The following RIIAD1 variants were observed in gnomAD, a reference collection of about 807,000 sequenced individuals.
The protein encoded by RIIAD1 is regulatory subunit of type II PKA R-subunit domain containing 1.
A neutral mutation model predicts 13.3 loss-of-function variants in RIIAD1; 15 were observed. The ratio of observed to expected loss-of-function variants is 1.13; its 90% CI spans 0.76 to 1.74. The LOEUF is 1.74. Among genes scored for constraint, RIIAD1 ranks in the 40% most tolerant of loss-of-function variants. The pLI is 0.00. For synonymous variants in RIIAD1, 50 were observed against 43.3 expected, an observed-to-expected ratio of 1.16 and a Z score of -0.61; for missense variants, 121 against 112.2, an observed-to-expected ratio of 1.08 and a Z score of -0.35.
At chr1:151,720,929 G>A (rs1673723734), upstream of RIIAD1, among the ~76,000 whole-genome samples, 1 of 152,128 alleles carries the variant, frequency 6.6e-6, no homozygotes, top group South Asian at 2.1e-4. Context: ...TTTATGAGGA[G>A]CCCAGGGTGA....
intron 2 of RIIAD1, among the ~76,000 whole-genome samples, chr1:151,723,446 T>C (rs1417996313): frequency 6.6e-6 from 1 of 151,838 alleles, no homozygotes; most frequent in East Asian, 1.9e-4. Flanking sequence ...ACGCCTGTGA[T>C]CCCAGCACTT....
At chr1:151,719,964 A>G (rs1673706530), upstream of RIIAD1, among the ~76,000 whole-genome samples, 1 of 152,230 alleles carries the variant, frequency 6.6e-6, no homozygotes, top group Non-Finnish European at 1.5e-5. Context: ...GTCTAATATA[A>G]TACAAGCCAC....
intron 2 of RIIAD1, among the ~76,000 whole-genome samples, chr1:151,722,725 C>A (rs1673760597): frequency 6.6e-6 from 1 of 152,190 alleles, no homozygotes; most frequent in Non-Finnish European, 1.5e-5. Context: ...TAATGGCACC[C>A]ATCTCCAGGC....
chr1:151,722,081 C>G lies in RIIAD1; in HGVS notation c.85-5C>G. The G allele has an allele frequency of 6.5e-7, 1 of 1,548,266 alleles. No individual in the cohort carries two copies. The highest frequency in any genetic ancestry group is 1.4e-5 in the African/African-American group (1 of 73,042). ...TGGAAGTGACCCTTTGTTCTTGCCC[C>G]CCAGATTCAGACTCGGATTGCTAAC... On this transcript the variant is annotated splice_polypyrimidine_tract_variant and splice_region_variant and intron_variant, in intron 1 of 4. Transcript: ENST00000479191.
chr1:151,722,138 A>G lies in RIIAD1; in HGVS notation c.137A>G (p.Glu46Gly), dbSNP rs374103330. Reference sequence around the variant, plus strand: ...TACCTAAGGACCCACAAAGAAGTAGAGTGGCTCATAAGTGGTTTCTTCAGG... The same window carrying G: ...TACCTAAGGACCCACAAAGAAGTAGGGTGGCTCATAAGTGGTTTCTTCAGG... ...EKYLRTHKEVEWLISGFFREI... is the reference protein window; with the variant it reads ...EKYLRTHKEVGWLISGFFREI... Residue 46 changes from glutamate (E) to glycine (G), a missense_variant, in exon 2 of 5, where the codon GAG becomes GGG. Physicochemically the swap from Glu to Gly is moderately conservative, Grantham distance 98. Coordinates refer to ENST00000479191, the MANE Select transcript of RIIAD1 (RefSeq NM_001144956.3). 1.8e-5 allele frequency: 28 copies of G among 1,551,174 alleles called. No individual in the cohort carries two copies. In the East Asian group the frequency reaches 5.4e-4, roughly 30 times the overall value.
intron 4 of RIIAD1, chr1:151,714,710 G>C (rs894987322): frequency 3.5e-6 from 5 of 1,447,442 alleles, no homozygotes; most frequent in African/African-American, 2.8e-5. Context: ...AACACGGCGG[G>C]GGGTGAGTCC....
upstream of RIIAD1, chr1:151,719,628 T>A (rs989167142): frequency 1.4e-5 from 10 of 702,626 alleles, no homozygotes; most frequent in Admixed American, 4.0e-5. Flanking sequence ...TTTATGAGAG[T>A]GCACAAAGAA....
At chr1:151,713,299 C>T (rs1253793357) in intron 2 of RIIAD1, among the ~76,000 whole-genome samples, 1 of 152,204 alleles carries the variant, frequency 6.6e-6, no homozygotes, top group Non-Finnish European at 1.5e-5. Flanking sequence ...CAGGATGGAG[C>T]TCTGCCTGAG....
intron 2 of RIIAD1, among the ~76,000 whole-genome samples, chr1:151,723,879 A>C (rs1558119023): frequency 6.6e-6 from 1 of 152,208 alleles, no homozygotes; most frequent in Non-Finnish European, 1.5e-5. Context: ...TGTCAATATC[A>C]GACCTGAGGA....
At chr1:151,714,715 G>T (rs1024734148) in intron 4 of RIIAD1, 6 of 1,398,994 alleles carry the variant, frequency 4.3e-6, no homozygotes, top group Non-Finnish European at 5.9e-6. Flanking sequence ...GGCGGGGGGT[G>T]AGTCCTCCAT....
upstream of RIIAD1, among the ~76,000 whole-genome samples, chr1:151,720,732 T>TG (rs1282136171): frequency 6.6e-6 from 1 of 152,178 alleles, no homozygotes; most frequent in African/African-American, 2.4e-5. Context: ...ACGATCTCTG[T>TG]GGGGGTAGGA....
upstream of RIIAD1, chr1:151,716,781 C>T (rs1023948176): frequency 1.3e-5 from 6 of 466,644 alleles, no homozygotes; most frequent in Non-Finnish European, 2.7e-5. Context: ...TGCTCTCCGG[C>T]CGCGCTCTCC....
chr1:151,715,488 T>G, intron 4 of RIIAD1: 1 of 632,200 alleles, frequency 1.6e-6, no homozygotes, highest in South Asian at 1.5e-5. Context: ...CAATATTATC[T>G]GAGGCTGCTC....
At chr1:151,712,712 C>A (rs770861579) in intron 2 of RIIAD1, among the ~76,000 whole-genome samples, 4 of 152,200 alleles carry the variant, frequency 2.6e-5, no homozygotes, top group Non-Finnish European at 4.4e-5. Context: ...CTTTCTCTTT[C>A]CCTCTGCAGC....
At position 151,721,861 on chromosome 1, in the gene RIIAD1, C is replaced by T. The variant is rs1399569174; in HGVS notation, c.85-225C>T. The T allele has an allele frequency of 1.2e-5, 7 of 585,124 alleles. No individual in the cohort carries two copies. In the Admixed American group the frequency reaches 1.5e-4, roughly 12 times the overall value. 36.2% of individuals were successfully genotyped at this position (585,124 alleles called of 1,614,324 possible). On this transcript the variant is annotated intron_variant, in intron 1 of 4. Transcript: ENST00000479191. The stretch of plus-strand genomic sequence containing the variant: ...CAGGGACTCGGCCAGAGAAATGGGC[C>T]GAAATTACTGCCAGACACATCCGAC...
chr1:151,728,673 C>A, intron 3 of RIIAD1, 93 bp from the exon 4 acceptor site: 1 of 754,308 alleles, frequency 1.3e-6, no homozygotes, highest in Non-Finnish European at 2.3e-6. Flanking sequence ...ACCAAGCCAT[C>A]CTAACTTTTT....
At chr1:151,714,269 G>A (rs977507629) in intron 3 of RIIAD1, among the ~76,000 whole-genome samples, 4 of 152,152 alleles carry the variant, frequency 2.6e-5, no homozygotes, top group Non-Finnish European at 4.4e-5. Flanking sequence ...ATCCACACTT[G>A]GTGTCCAGAG....
intron 2 of RIIAD1, among the ~76,000 whole-genome samples, chr1:151,723,266 T>G (rs1221200196): frequency 6.6e-6 from 1 of 152,052 alleles, no homozygotes; most frequent in Admixed American, 6.5e-5. Context: ...TGGTGGCACA[T>G]GCCTGTAATC....
In RIIAD1 at chr1:151,721,642, T is replaced by C. The variant is rs557938513; in HGVS notation, c.84+22T>C. ...CAAGGTGGGTGCGCCCGCGCCCCCATCCAGCGTCCACCAAAGTGTAGCTGC... is the reference window on the plus strand; with the variant it reads ...CAAGGTGGGTGCGCCCGCGCCCCCACCCAGCGTCCACCAAAGTGTAGCTGC... On this transcript the variant is annotated intron_variant, in intron 1 of 4. Transcript: ENST00000479191. The C allele has an allele frequency of 1.7e-4, 218 of 1,264,280 alleles. 1 individual carries two copies. The African/African-American group carries it at 3.1e-3, about 18-fold the overall frequency. The allele number at this position is 1,264,280 out of a possible 1,614,324, so 78.3% of individuals were successfully genotyped here. A position where few individuals can be genotyped will look rare whatever the true frequency, so the allele number is the denominator to read the frequency against.
Sources: allele counts gnomAD v4.1 joint callset (sites outside exome capture counted in the v4.1 genomes callset), GRCh38; gene constraint gnomAD v4.1.1; transcripts MANE v1.5; gene names NCBI Gene and HGNC (gene_info 2026-07-23, HGNC 2026-07-21).